PI15: variants seen among roughly 807,000 people sequenced by gnomAD.
The protein encoded by PI15 is peptidase inhibitor 15.
A neutral mutation model predicts 31.0 loss-of-function variants in PI15; 18 were observed. The observed-to-expected ratio is 0.58, with a 90% CI of 0.40 to 0.86. The LOEUF (loss-of-function observed/expected upper bound fraction) is 0.86, where lower values mean the gene tolerates loss of function less well. Ranked by LOEUF, PI15 falls within the 40% of genes least tolerant of loss-of-function variation. PI15 has a pLI of 0.00. For synonymous variants in PI15, 118 were observed against 119.1 expected (o/e 0.99, Z 0.06); for missense variants, 282 against 328.1 (o/e 0.86, Z 1.09).
intron 2 of PI15, among the ~76,000 whole-genome samples, chr8:74,828,850 C>T (rs6992730): frequency 0.015 from 2,237 of 152,158 alleles, 58 homozygotes; most frequent in African/African-American, 0.049. Flanking sequence ...ACTCCATTTT[C>T]CTTCCCTCTA....
At chr8:74,846,698 T>C (rs1811031848) in intron 5 of PI15, among the ~76,000 whole-genome samples, 1 of 152,152 alleles carries the variant, frequency 6.6e-6, no homozygotes, top group Non-Finnish European at 1.5e-5. Context: ...GAAGAAGGTT[T>C]TAAAATCCTG....
Position 74,849,360 on chromosome 8 carries a change from T to A in PI15, c.*107T>A. The A allele has an allele frequency of 2.5e-6, 2 of 805,608 alleles. No individual in the cohort carries two copies. Among genetic ancestry groups the A allele is most frequent in the Non-Finnish European group, 3.8e-6 (2 of 521,652 alleles). The allele number at this position is 805,608 out of a possible 1,614,324, so 49.9% of individuals were successfully genotyped here. The stretch of plus-strand genomic sequence containing the variant: ...ATATTATACATATTTTGTGCTAATC[T>A]TGTTTTCCTCTTAGTATTCCTTTGT... On this transcript the variant is annotated 3_prime_UTR_variant, in exon 6 of 6. Transcript: ENST00000260113.
intron 2 of PI15, among the ~76,000 whole-genome samples, chr8:74,834,187 C>T (rs557415135): frequency 4.6e-5 from 7 of 152,210 alleles, no homozygotes; most frequent in South Asian, 2.1e-4. Flanking sequence ...TAAATGGCAA[C>T]GTAAAGTACC....
At chr8:74,834,673 A>G (rs1423651181) in intron 2 of PI15, among the ~76,000 whole-genome samples, 1 of 152,338 alleles carries the variant, frequency 6.6e-6, no homozygotes, top group East Asian at 1.9e-4. Flanking sequence ...ATGAACAGTG[A>G]CAGTGAGATC....
chr8:74,832,631 T>C (rs1282548989), intron 2 of PI15, among the ~76,000 whole-genome samples: 2 of 152,102 alleles, frequency 1.3e-5, no homozygotes, highest in African/African-American at 4.8e-5. Flanking sequence ...TTCTGAAGAA[T>C]AGTATGAAGT....
intron 2 of PI15, among the ~76,000 whole-genome samples, chr8:74,838,061 T>C (rs1416998041): frequency 6.6e-6 from 1 of 152,168 alleles, no homozygotes; most frequent in Non-Finnish European, 1.5e-5. Flanking sequence ...TTAAATTTCT[T>C]AAACTGCATG....
At position 74,849,735 on chromosome 8, in the gene PI15, A is replaced by T. The variant is rs1230941811; in HGVS notation, c.*482A>T. 6.6e-6 allele frequency: 1 copy of T among 152,284 alleles called. No homozygotes were observed. Among genetic ancestry groups the T allele is most frequent in the African/African-American group, 2.4e-5 (1 of 41,462 alleles). The allele number at this position is 152,284 out of a possible 1,614,324, so 9.4% of individuals were successfully genotyped here. A position where few individuals can be genotyped will look rare whatever the true frequency, so the allele number is the denominator to read the frequency against. On this transcript the variant is annotated 3_prime_UTR_variant, in exon 6 of 6. Transcript: ENST00000260113. Reference sequence around the variant, plus strand: ...AAAAAACTATTCTCAATTATATACGAGGTGATGGGACTTCTTAACACACAT... The same window carrying T: ...AAAAAACTATTCTCAATTATATACGTGGTGATGGGACTTCTTAACACACAT...
intron 2 of PI15, among the ~76,000 whole-genome samples, chr8:74,840,237 C>T (rs1185673167): frequency 1.3e-5 from 2 of 152,034 alleles, no homozygotes; most frequent in Non-Finnish European, 2.9e-5. Flanking sequence ...ATGCTAGAAA[C>T]ATTTGAATAA....
rs973340581 is a variant in PI15, at chr8:74,851,217, T to C, written c.*1964T>C. The C allele has an allele frequency of 6.6e-6, 1 of 152,338 alleles. No homozygotes were observed. 9.4% of individuals were successfully genotyped at this position (152,338 alleles called of 1,614,324 possible). ...GGAGAATAGAAGTAATTACATTATT[T>C]AGGTCTTAATCCAACTTTTTTCTAA... On this transcript the variant is annotated 3_prime_UTR_variant, in exon 6 of 6. Transcript: ENST00000260113.
At chr8:74,836,264 G>A (rs955935104) in intron 2 of PI15, among the ~76,000 whole-genome samples, 4 of 152,158 alleles carry the variant, frequency 2.6e-5, no homozygotes, top group Non-Finnish European at 1.5e-5. Context: ...AGGCAGTGGA[G>A]GTGATGTGAC....
intron 5 of PI15, 25 bp downstream of exon 5, chr8:74,845,522 T>C (rs1412324686): frequency 7.1e-7 from 1 of 1,411,606 alleles, no homozygotes; most frequent in Non-Finnish European, 1.0e-6. Flanking sequence ...GGATTCTATT[T>C]CCTGGATCCT....
At chr8:74,848,029 A>G (rs559083305) in intron 5 of PI15, among the ~76,000 whole-genome samples, 2 of 152,370 alleles carry the variant, frequency 1.3e-5, no homozygotes, top group South Asian at 2.1e-4. Context: ...TATAATTAAA[A>G]GAGCAAAATA....
chr8:74,834,208 C>T (rs886866658), intron 2 of PI15, among the ~76,000 whole-genome samples: 2 of 152,142 alleles, frequency 1.3e-5, no homozygotes, highest in Non-Finnish European at 2.9e-5. Context: ...TGTTCCTCTT[C>T]CTGCGTTCAT....
At chr8:74,829,652 T>TA (rs1416770259) in intron 2 of PI15, among the ~76,000 whole-genome samples, 3 of 151,928 alleles carry the variant, frequency 2.0e-5, no homozygotes, top group Non-Finnish European at 4.4e-5. Flanking sequence ...AACAATGCAG[T>TA]AAAAACAAAA....
At chr8:74,835,495 A>G (rs1810849437) in intron 2 of PI15, among the ~76,000 whole-genome samples, 2 of 152,216 alleles carry the variant, frequency 1.3e-5, no homozygotes, top group South Asian at 2.1e-4. Context: ...GAAAAATATT[A>G]TATGGTTGAA....
chr8:74,839,175 T>A (rs2128765073), intron 2 of PI15, among the ~76,000 whole-genome samples: 1 of 152,242 alleles, frequency 6.6e-6, no homozygotes, highest in East Asian at 1.9e-4. Context: ...CAGTGTGAAT[T>A]CTGGATATGT....
chr8:74,830,729 T>A (rs1038991106), intron 2 of PI15, among the ~76,000 whole-genome samples: 1 of 152,134 alleles, frequency 6.6e-6, no homozygotes, highest in Non-Finnish European at 1.5e-5. Flanking sequence ...CAAAGCCATA[T>A]ACCGTCCCAC....
chr8:74,843,907 C>A, intron 2 of PI15, 74 bp from the exon 3 acceptor site: 1 of 796,932 alleles, frequency 1.3e-6, no homozygotes, highest in Admixed American at 1.8e-5. Flanking sequence ...GAAATAGTAG[C>A]ACCATTTATT....
intron 2 of PI15, among the ~76,000 whole-genome samples, chr8:74,836,591 G>A (rs1810875706): frequency 6.6e-6 from 1 of 152,084 alleles, no homozygotes; most frequent in Non-Finnish European, 1.5e-5. Context: ...ACTGAGCCCT[G>A]GGAACTTTCC....
Sources: gnomAD v4.1 joint callset for allele counts (sites outside exome capture counted in the v4.1 genomes callset) on GRCh38, gnomAD v4.1.1 for gene constraint, MANE v1.5 for transcripts, NCBI Gene and HGNC (gene_info 2026-07-23, HGNC 2026-07-21) for gene names.